LRP1B: variants seen among roughly 807,000 people sequenced by gnomAD.
The protein encoded by LRP1B is LDL receptor related protein 1B, also known as low-density lipoprotein receptor-related protein 1B.
In LRP1B, 217 loss-of-function variants were observed where a neutral mutation model predicts 556.6. The ratio of observed to expected loss-of-function variants is 0.39; its 90% CI spans 0.35 to 0.44. The LOEUF is 0.44. LRP1B is among the 20% of genes least tolerant of loss of function. The pLI is 1.00. For missense variants in LRP1B, 5,053 were observed against 5,620.8 expected, an observed-to-expected ratio of 0.90 and a Z score of 3.23; for synonymous variants, 2,047 against 1,865.8, an observed-to-expected ratio of 1.10 and a Z score of -2.50.
intron 49 of LRP1B, among the ~76,000 whole-genome samples, chr2:140,523,271 A>C (rs1275737563): frequency 2.0e-5 from 3 of 152,060 alleles, no homozygotes; most frequent in African/African-American, 7.2e-5. Context: ...TTCACTACAT[A>C]AACAGAATTA....
intron 6 of LRP1B, among the ~76,000 whole-genome samples, chr2:141,228,746 C>T (rs1260693916): frequency 6.6e-6 from 1 of 152,052 alleles, no homozygotes; most frequent in Non-Finnish European, 1.5e-5. Context: ...AATTAATTTC[C>T]TTTAAAGAGA....
At chr2:140,247,023 A>G in intron 87 of LRP1B, 63 bp downstream of exon 87, 1 of 1,175,440 alleles carries the variant, frequency 8.5e-7, no homozygotes. Flanking sequence ...CTCACTCAAT[A>G]ATGACATAAC....
chr2:140,322,528 T>G (rs904383619), intron 81 of LRP1B, among the ~76,000 whole-genome samples: 1 of 138,506 alleles, frequency 7.2e-6, no homozygotes, highest in African/African-American at 3.0e-5. Flanking sequence ...CCCCGCCTTG[T>G]ATTTATTAAT....
chr2:140,587,662 A>G (rs1383062348), intron 43 of LRP1B, among the ~76,000 whole-genome samples: 2 of 152,196 alleles, frequency 1.3e-5, no homozygotes, highest in Admixed American at 6.5e-5. Flanking sequence ...TAGCACAAAA[A>G]TTAGTAAGTA....
intron 2 of LRP1B, among the ~76,000 whole-genome samples, chr2:141,700,613 A>G (rs1691908149): frequency 1.3e-5 from 2 of 151,712 alleles, no homozygotes; most frequent in Admixed American, 1.3e-4. Flanking sequence ...CTCCTGCGCT[A>G]TTTCTCAGTG....
At chr2:141,121,704 C>T (rs1427985139) in intron 7 of LRP1B, among the ~76,000 whole-genome samples, 1 of 152,062 alleles carries the variant, frequency 6.6e-6, no homozygotes, top group African/African-American at 2.4e-5. Flanking sequence ...AATGCCATCC[C>T]CATCAAGCTA....
rs2105171011 is a variant in LRP1B, at chr2:140,372,993, C to T, written c.10768+15G>A. 6.2e-7 allele frequency: 1 copy of T among 1,612,096 alleles called. No homozygotes were observed. Among genetic ancestry groups the T allele is most frequent in the Non-Finnish European group, 8.5e-7 (1 of 1,179,060 alleles). ...AAAATGTTAACTAAATGATATATTACTTCAATCCTTTTACCTGGCTCACAG... is the reference window on the plus strand; with the variant it reads ...AAAATGTTAACTAAATGATATATTATTTCAATCCTTTTACCTGGCTCACAG... On this transcript the variant is annotated intron_variant, in intron 69 of 90. Transcript: ENST00000389484.
intron 1 of LRP1B, among the ~76,000 whole-genome samples, chr2:141,857,567 G>A (rs12617004): frequency 2.0e-5 from 3 of 151,728 alleles, no homozygotes; most frequent in Non-Finnish European, 2.9e-5. Flanking sequence ...GAACTCCTGA[G>A]CTCAAGCTAT....
intron 1 of LRP1B, among the ~76,000 whole-genome samples, chr2:141,965,863 A>G (rs1441850133): frequency 3.3e-5 from 5 of 150,936 alleles, no homozygotes; most frequent in Non-Finnish European, 7.4e-5. Flanking sequence ...CAACTCTCAG[A>G]AAATATTATT....
rs559733612 is a variant in LRP1B, at chr2:140,287,937, AT to A, written c.12967+9870del. ...TTTGGAAAATGTAGTGGATTAAAAA[AT>A]GTCTACATTTATTTAATCAGATTTA... On this transcript the variant is annotated intron_variant, in intron 84 of 90. Transcript: ENST00000389484. Among the ~76,000 whole-genome samples, 14 of 151,986 alleles carry A rather than the reference AT, an allele frequency of 9.2e-5. No individual in the cohort carries two copies. In the South Asian group the frequency reaches 1.5e-3, roughly 16 times the overall value.
At chr2:142,058,083 T>C (rs191586696) in intron 1 of LRP1B, among the ~76,000 whole-genome samples, 1 of 152,274 alleles carries the variant, frequency 6.6e-6, no homozygotes, top group Admixed American at 6.5e-5. Context: ...TACTTTTGCT[T>C]TCACACTGCA....
rs779240125 is a variant in LRP1B at position 140,323,922 on chromosome 2, A to G, written c.12485T>C (p.Leu4162Ser). The change falls in exon 81 of 91, where the codon TTG becomes TCG. Residue 4162 changes from leucine (L) to serine (S), a missense_variant. Leu to Ser is a moderately radical substitution (Grantham distance 145, BLOSUM62 -2). Coordinates refer to ENST00000389484, the MANE Select transcript of LRP1B (RefSeq NM_018557.3). ...TAGTTGTTTATAACGATGAGATATC[A>G]AAACACCTTTTGTTTTATCAATATT... ...ALNIDKTKGV[L>S]ISHRYKQLDL... The G allele has an allele frequency of 5.1e-6, 8 of 1,577,534 alleles. 1 individual carries two copies. The South Asian group carries it at 8.9e-5, about 18-fold the overall frequency.
intron 18 of LRP1B, among the ~76,000 whole-genome samples, chr2:140,966,973 G>A (rs1696244422): frequency 6.6e-6 from 1 of 152,088 alleles, no homozygotes; most frequent in East Asian, 1.9e-4. Flanking sequence ...AAGTCAGGTA[G>A]AGTGATGCCT....
Position 140,989,619 on chromosome 2 carries a change from TC to T in LRP1B, c.2682del (p.Asn895IlefsTer35). On this transcript the variant is annotated frameshift_variant, in exon 17 of 91. Coordinates refer to ENST00000389484, the MANE Select transcript of LRP1B (RefSeq NM_018557.3). LOFTEE classifies it high-confidence loss of function. ...HSCPDDQFKC[Q>X]NNRCIPKRWL... ...CATCTCTTGGGGATGCAGCGATTAT[TC>T]TGGCATTTAAACTGATCATCAGGAC... 1 of 1,613,212 alleles carries T rather than the reference TC, an allele frequency of 6.2e-7. No homozygotes were observed. The highest frequency in any genetic ancestry group is 8.5e-7 in the Non-Finnish European group (1 of 1,179,404).
intron 83 of LRP1B, among the ~76,000 whole-genome samples, chr2:140,314,059 T>C (rs983485333): frequency 7.9e-5 from 12 of 151,856 alleles, no homozygotes; most frequent in African/African-American, 2.7e-4. Context: ...ATTAAATACT[T>C]CAAAACACAG....
At chr2:141,797,944 C>T (rs963903063) in intron 2 of LRP1B, among the ~76,000 whole-genome samples, 1 of 152,052 alleles carries the variant, frequency 6.6e-6, no homozygotes, top group Admixed American at 6.6e-5. Context: ...AGACTAGAAA[C>T]CTATGACAAT....
chr2:141,887,171 T>G (rs10194554), intron 1 of LRP1B, among the ~76,000 whole-genome samples: 2 of 151,642 alleles, frequency 1.3e-5, no homozygotes, highest in African/African-American at 4.8e-5. Context: ...AATTTTTGTA[T>G]TTTTAGTAGA....
rs566779878 is a variant in LRP1B at position 141,422,673 on chromosome 2, T to A, written c.343+57723A>T. Among the ~76,000 whole-genome samples the A allele has an allele frequency of 9.2e-5, 14 of 152,340 alleles. No homozygotes were observed. In the East Asian group the frequency reaches 2.3e-3, roughly 25 times the overall value. On this transcript the variant is annotated intron_variant, in intron 3 of 90. Coordinates refer to ENST00000389484, the MANE Select transcript of LRP1B (RefSeq NM_018557.3). Reference sequence around the variant, plus strand: ...TACGTACATGTCTTTTCTCAACAGATCAAACATGACATTTATGGCTATATA... The same window carrying A: ...TACGTACATGTCTTTTCTCAACAGAACAAACATGACATTTATGGCTATATA...
rs530113978 is a variant in LRP1B at position 141,219,035 on chromosome 2, C to T, written c.850+10148G>A. 3.9e-3 allele frequency among the ~76,000 whole-genome samples: 594 copies of T among 152,294 alleles called. 6 individuals are homozygous for T. Among genetic ancestry groups the T allele is most frequent in the Non-Finnish European group, 6.1e-3 (415 of 68,002 alleles). ...AGGGAGGCAGTGAGTAACTGTGCTG[C>T]CCTGCCTGGGAAACCGCATTCTTTC... On this transcript the variant is annotated intron_variant, in intron 6 of 90. Transcript: ENST00000389484.
Sources: gnomAD v4.1 joint callset for allele counts (sites outside exome capture counted in the v4.1 genomes callset) on GRCh38, gnomAD v4.1.1 for gene constraint, MANE v1.5 for transcripts, NCBI Gene and HGNC (gene_info 2026-07-23, HGNC 2026-07-21) for gene names.